The following TSPAN5 variants were observed in gnomAD, a reference collection of about 807,000 sequenced individuals.
The protein encoded by TSPAN5 is tetraspanin-5.
In TSPAN5, 10 loss-of-function variants were observed where a neutral mutation model predicts 37.1. That is an observed-to-expected ratio of 0.27 (90% CI 0.17 to 0.46). TSPAN5 has a LOEUF of 0.46. TSPAN5 is among the 20% of genes least tolerant of loss of function. The pLI, the probability that TSPAN5 is intolerant of heterozygous loss-of-function variation, is 1.00. For missense variants in TSPAN5, 195 were observed against 326.6 expected (o/e 0.60, Z 3.11); for synonymous variants, 110 against 118.9 (o/e 0.93, Z 0.48).
At chr4:98,579,190 A>G (rs997211121) in intron 1 of TSPAN5, among the ~76,000 whole-genome samples, 6 of 151,998 alleles carry the variant, frequency 3.9e-5, no homozygotes, top group Non-Finnish European at 8.8e-5. Flanking sequence ...CACCCCCAAG[A>G]GCCCAGGCTG....
chr4:98,585,543 C>G (rs1220523877), intron 1 of TSPAN5, among the ~76,000 whole-genome samples: 1 of 152,186 alleles, frequency 6.6e-6, no homozygotes, highest in Non-Finnish European at 1.5e-5. Flanking sequence ...CTCCTGACCT[C>G]AAGTGATCCA....
intron 1 of TSPAN5, among the ~76,000 whole-genome samples, chr4:98,624,845 G>C (rs577266941): frequency 6.6e-6 from 1 of 152,154 alleles, no homozygotes; most frequent in African/African-American, 2.4e-5. Flanking sequence ...TTACATAAGT[G>C]ATGGCAGCCT....
intron 2 of TSPAN5, among the ~76,000 whole-genome samples, chr4:98,499,775 C>T (rs2110278644): frequency 6.6e-6 from 1 of 151,698 alleles, no homozygotes; most frequent in East Asian, 2.0e-4. Context: ...ATTCTCCTGC[C>T]TCAGCCTCCC....
intron 1 of TSPAN5, among the ~76,000 whole-genome samples, chr4:98,535,619 G>C (rs919828478): frequency 2.0e-5 from 3 of 152,118 alleles, no homozygotes; most frequent in Non-Finnish European, 2.9e-5. Context: ...TAATATCCTG[G>C]AGAGTGTTTT....
intron 1 of TSPAN5, among the ~76,000 whole-genome samples, chr4:98,510,340 T>C (rs1413602747): frequency 6.6e-6 from 1 of 152,142 alleles, no homozygotes; most frequent in Non-Finnish European, 1.5e-5. Context: ...CAGGCTGGAA[T>C]TACATGGTAC....
chr4:98,592,788 C>T (rs71612643), intron 1 of TSPAN5, among the ~76,000 whole-genome samples: 15 of 151,190 alleles, frequency 9.9e-5, no homozygotes, highest in Non-Finnish European at 5.9e-5. Context: ...TATGGCTGCA[C>T]AGTATTCCAT....
At chr4:98,634,316 C>T (rs548643707) in intron 1 of TSPAN5, among the ~76,000 whole-genome samples, 1 of 152,172 alleles carries the variant, frequency 6.6e-6, no homozygotes, top group Non-Finnish European at 1.5e-5. Flanking sequence ...GTACAAGGGG[C>T]CTTTTGCCTT....
chr4:98,533,946 A>AAAAAAACAAAC (rs1553912215), intron 1 of TSPAN5, among the ~76,000 whole-genome samples: 10 of 140,256 alleles, frequency 7.1e-5, no homozygotes, highest in South Asian at 2.3e-4. Context: ...TCTTAAAAAA[A>AAAAAAACAAAC]AAAAAAAAAA....
intron 1 of TSPAN5, among the ~76,000 whole-genome samples, chr4:98,557,955 G>A (rs1005432715): frequency 2.0e-5 from 3 of 152,134 alleles, no homozygotes; most frequent in Non-Finnish European, 4.4e-5. Context: ...CAGCCAAGAG[G>A]TGCCTAAGAA....
Position 98,600,124 on chromosome 4 carries a change from T to TA in TSPAN5, c.81+58021dup, listed in dbSNP as rs1394761804. On this transcript the variant is annotated intron_variant, in intron 1 of 7. Transcript: ENST00000305798. ...AGTAAGTGTGCAATGCCATCATGTCTAAAAAATGTACATACCTTAATTTAA... is the reference window on the plus strand; with the variant it reads ...AGTAAGTGTGCAATGCCATCATGTCTAAAAAAATGTACATACCTTAATTTAA... Among the ~76,000 whole-genome samples, 6 of 152,292 alleles carry TA rather than the reference T, an allele frequency of 3.9e-5. 1 individual carries two copies. In the South Asian group the frequency reaches 1.0e-3, roughly 26 times the overall value.
intron 2 of TSPAN5, among the ~76,000 whole-genome samples, chr4:98,495,794 G>T (rs1481171182): frequency 6.6e-6 from 1 of 151,862 alleles, no homozygotes; most frequent in Admixed American, 6.5e-5. Context: ...CAGCACAGAG[G>T]AGCCTCTGTG....
At chr4:98,492,359 T>C (rs1753102550) in intron 2 of TSPAN5, among the ~76,000 whole-genome samples, 1 of 151,960 alleles carries the variant, frequency 6.6e-6, no homozygotes, top group African/African-American at 2.4e-5. Flanking sequence ...GGAGGGAAAA[T>C]CCAGACAGCA....
chr4:98,488,054 T>A (rs1258320824), intron 2 of TSPAN5, among the ~76,000 whole-genome samples: 1 of 152,120 alleles, frequency 6.6e-6, no homozygotes, highest in Admixed American at 6.5e-5. Context: ...TAAAAAAAAA[T>A]TGTTTTCAAA....
intron 1 of TSPAN5, among the ~76,000 whole-genome samples, chr4:98,508,527 T>C (rs1396123513): frequency 6.1e-4 from 92 of 149,668 alleles, no homozygotes; most frequent in Middle Eastern, 3.4e-3. Flanking sequence ...TTTTTCTTTT[T>C]TTTTTTTTTT....
chr4:98,472,573 G>A lies in TSPAN5; in HGVS notation c.756C>T (p.Cys252=). The A allele has an allele frequency of 1.2e-6, 2 of 1,613,632 alleles. No homozygotes were observed. The highest frequency in any genetic ancestry group is 1.7e-6 in the Non-Finnish European group (2 of 1,179,880). ...GIALLQIFGI[C]LAQNLVSDIE... ...TATCGCTAACCAAATTCTGGGCCAG[G>A]CATATCCCAAATATCTGAGAAAGGA... The change falls in exon 8 of 8, where the codon TGC becomes TGT. Residue 252 remains cysteine (C), a synonymous_variant. Coordinates refer to ENST00000305798, the MANE Select transcript of TSPAN5 (RefSeq NM_005723.4).
At chr4:98,562,524 G>A (rs549855518) in intron 1 of TSPAN5, among the ~76,000 whole-genome samples, 7 of 152,086 alleles carry the variant, frequency 4.6e-5, no homozygotes, top group Non-Finnish European at 7.4e-5. Flanking sequence ...AGTTGGGCGT[G>A]GTGGGGCATG....
At chr4:98,640,275 A>G (rs1332487563) in intron 1 of TSPAN5, among the ~76,000 whole-genome samples, 1 of 152,222 alleles carries the variant, frequency 6.6e-6, no homozygotes, top group Non-Finnish European at 1.5e-5. Context: ...ACCCAGATGG[A>G]TGCTAACTTT....
intron 1 of TSPAN5, among the ~76,000 whole-genome samples, chr4:98,654,382 AG>A (rs1349317043): frequency 6.6e-6 from 1 of 152,240 alleles, no homozygotes; most frequent in African/African-American, 2.4e-5. Context: ...AGAATCCAAA[AG>A]GGCAAAACAT....
chr4:98,484,658 G>A, intron 3 of TSPAN5: 2 of 440,858 alleles, frequency 4.5e-6, no homozygotes, highest in South Asian at 1.6e-5. Flanking sequence ...CTATATTAAA[G>A]TAAATCACAA....
Sources: gnomAD v4.1 joint callset for allele counts (sites outside exome capture counted in the v4.1 genomes callset) on GRCh38, gnomAD v4.1.1 for gene constraint, MANE v1.5 for transcripts, NCBI Gene and HGNC (gene_info 2026-07-23, HGNC 2026-07-21) for gene names.